CFTR: variants seen among roughly 807,000 people sequenced by gnomAD.
CFTR encodes CF transmembrane conductance regulator.
In CFTR, 181 loss-of-function variants were observed where a neutral mutation model predicts 171.6. The ratio of observed to expected loss-of-function variants is 1.05; its 90% CI spans 0.93 to 1.19. CFTR has a LOEUF of 1.19. Among genes scored for constraint, CFTR ranks in the 50% most tolerant of loss-of-function variants. The pLI, the probability that CFTR is intolerant of heterozygous loss-of-function variation, is 0.00. For missense variants in CFTR, 1,968 were observed against 1,734.7 expected (o/e 1.13, Z -2.39); for synonymous variants, 583 against 608.0 (o/e 0.96, Z 0.60).
At chr7:117,588,153 GT>G (rs1791973558) in intron 12 of CFTR, among the ~76,000 whole-genome samples, 1 of 152,032 alleles carries the variant, frequency 6.6e-6, no homozygotes, top group African/African-American at 2.4e-5. Flanking sequence ...GTAAATATCT[GT>G]TAGTTCCATC....
At chr7:117,530,290 G>A (rs752328282) in intron 3 of CFTR, among the ~76,000 whole-genome samples, 33 of 152,076 alleles carry the variant, frequency 2.2e-4, no homozygotes, top group Non-Finnish European at 4.0e-4. Context: ...TTTAAATACC[G>A]CTAGTGCTGG....
Position 117,509,144 on chromosome 7 carries a change from T to G in CFTR, c.273+2T>G. 6.8e-7 allele frequency: 1 copy of G among 1,479,634 alleles called. No individual in the cohort carries two copies. The highest frequency in any genetic ancestry group is 9.5e-7 in the Non-Finnish European group (1 of 1,057,838). The allele number at this position is 1,479,634 out of a possible 1,614,324, so 91.7% of individuals were successfully genotyped here. On this transcript the variant is annotated splice_donor_variant, in intron 3 of 26. Transcript: ENST00000003084. LOFTEE classifies it high-confidence loss of function. ...TATGGAATCTTTTTATATTTAGGGG[T>G]AAGGATCTCATTTGTACATTCATTA... is the stretch of plus-strand genomic sequence containing the variant.
chr7:117,511,271 C>G (rs552318807), intron 3 of CFTR, among the ~76,000 whole-genome samples: 1 of 152,174 alleles, frequency 6.6e-6, no homozygotes, highest in Admixed American at 6.5e-5. Context: ...GGGGGAGGAA[C>G]TGTATGAAAT....
chr7:117,496,738 G>A (rs1040657845), intron 1 of CFTR, among the ~76,000 whole-genome samples: 1 of 152,030 alleles, frequency 6.6e-6, no homozygotes, highest in African/African-American at 2.4e-5. Context: ...TTAATATTTT[G>A]AGGATTTTTC....
intron 11 of CFTR, among the ~76,000 whole-genome samples, chr7:117,585,338 T>C (rs894573252): frequency 1.3e-5 from 2 of 152,112 alleles, no homozygotes; most frequent in African/African-American, 4.8e-5. Context: ...ACTCTCTAAA[T>C]CAATAATCTA....
chr7:117,549,897 G>C (rs946554930), intron 10 of CFTR, among the ~76,000 whole-genome samples: 1 of 151,976 alleles, frequency 6.6e-6, no homozygotes, highest in African/African-American at 2.4e-5. Flanking sequence ...TGCTGCTGTA[G>C]GTAAAAATGT....
intron 22 of CFTR, among the ~76,000 whole-genome samples, chr7:117,635,071 G>C (rs1437709661): frequency 1.3e-5 from 2 of 152,120 alleles, no homozygotes; most frequent in Non-Finnish European, 2.9e-5. Context: ...AACTCTAGTA[G>C]TGAATATTCT....
intron 10 of CFTR, among the ~76,000 whole-genome samples, chr7:117,555,457 A>T (rs535833830): frequency 6.6e-6 from 1 of 152,328 alleles, no homozygotes; most frequent in South Asian, 2.1e-4. Context: ...ACACCACGTG[A>T]TGCTAATCAT....
chr7:117,564,335 C>T (rs1791565015), intron 11 of CFTR, among the ~76,000 whole-genome samples: 1 of 152,000 alleles, frequency 6.6e-6, no homozygotes. Context: ...CAAAAGTGTC[C>T]CCTATTTTCA....
chr7:117,492,493 C>T (rs1472343525), intron 1 of CFTR, among the ~76,000 whole-genome samples: 1 of 151,950 alleles, frequency 6.6e-6, no homozygotes, highest in Non-Finnish European at 1.5e-5. Context: ...TCAATTTCTG[C>T]TCTGTTCCAG....
intron 23 of CFTR, among the ~76,000 whole-genome samples, chr7:117,644,145 A>G (rs1378423618): frequency 1.3e-5 from 2 of 152,114 alleles, no homozygotes; most frequent in African/African-American, 4.8e-5. Flanking sequence ...TCCTTCAGAA[A>G]TGCTGGATGA....
At chr7:117,529,414 C>G (rs1213423883) in intron 3 of CFTR, among the ~76,000 whole-genome samples, 5 of 127,430 alleles carry the variant, frequency 3.9e-5, no homozygotes, top group Non-Finnish European at 8.0e-5. Context: ...ATACCTAATG[C>G]TAGATGACAC....
At chr7:117,524,508 A>G (rs1012944635) in intron 3 of CFTR, among the ~76,000 whole-genome samples, 1 of 152,184 alleles carries the variant, frequency 6.6e-6, no homozygotes, top group Non-Finnish European at 1.5e-5. Context: ...AATTTTAAGG[A>G]TTAAATATTG....
At chr7:117,512,367 C>T (rs1008498771) in intron 3 of CFTR, among the ~76,000 whole-genome samples, 1 of 152,040 alleles carries the variant, frequency 6.6e-6, no homozygotes, top group African/African-American at 2.4e-5. Flanking sequence ...GGGGCTCACA[C>T]CTGTAATCCC....
intron 21 of CFTR, among the ~76,000 whole-genome samples, chr7:117,622,492 A>G (rs1184038077): frequency 6.6e-6 from 1 of 152,136 alleles, no homozygotes; most frequent in Non-Finnish European, 1.5e-5. Context: ...TTTTTCCTGT[A>G]AACTGTGTGA....
intron 11 of CFTR, among the ~76,000 whole-genome samples, chr7:117,575,522 C>G (rs1433319722): frequency 6.6e-6 from 1 of 152,124 alleles, no homozygotes; most frequent in Non-Finnish European, 1.5e-5. Flanking sequence ...AAATCCTGCA[C>G]TGAGTTTGTC....
At chr7:117,562,399 A>T (rs1791522898) in intron 11 of CFTR, among the ~76,000 whole-genome samples, 1 of 152,162 alleles carries the variant, frequency 6.6e-6, no homozygotes. Flanking sequence ...AAAGATAATT[A>T]TAAAGATGGT....
chr7:117,618,879 CTAATT>C (rs1047870854), intron 21 of CFTR, among the ~76,000 whole-genome samples: 41 of 152,280 alleles, frequency 2.7e-4, no homozygotes, highest in African/African-American at 9.9e-4. Context: ...TTATCAGAAT[CTAATT>C]TAATAATTCC....
rs570408340 is a variant in CFTR, at chr7:117,534,145, T to C, written c.490-131T>C. 2.1e-5 allele frequency: 13 copies of C among 617,376 alleles called. No individual in the cohort carries two copies. In the African/African-American group the frequency reaches 2.2e-4, roughly 10 times the overall value. 38.2% of individuals were successfully genotyped at this position (617,376 alleles called of 1,614,324 possible). A position where few individuals can be genotyped will look rare whatever the true frequency, so the allele number is the denominator to read the frequency against. Reference sequence around the variant, plus strand: ...CTGAGAAGATAGTAAGCTAGATGAATAGAATATAATTTTCATTACCTTTAC... The same window carrying C: ...CTGAGAAGATAGTAAGCTAGATGAACAGAATATAATTTTCATTACCTTTAC... On this transcript the variant is annotated intron_variant, in intron 4 of 26. Coordinates refer to ENST00000003084, the MANE Select transcript of CFTR (RefSeq NM_000492.4).
Sources: allele counts gnomAD v4.1 joint callset (sites outside exome capture counted in the v4.1 genomes callset), GRCh38; gene constraint gnomAD v4.1.1; transcripts MANE v1.5; gene names NCBI Gene and HGNC (gene_info 2026-07-23, HGNC 2026-07-21).